MIS18BP1: variants seen among roughly 807,000 people sequenced by gnomAD.
MIS18BP1 encodes the protein mis18-binding protein 1.
In MIS18BP1, 72 loss-of-function variants were observed where a neutral mutation model predicts 116.1. The observed-to-expected ratio is 0.62, with a 90% CI of 0.51 to 0.75. The LOEUF (loss-of-function observed/expected upper bound fraction) is 0.75, where lower values mean the gene tolerates loss of function less well. MIS18BP1 is among the 30% of genes least tolerant of loss of function. The pLI, the probability that MIS18BP1 is intolerant of heterozygous loss-of-function variation, is 0.00. For missense variants in MIS18BP1, 1,363 were observed against 1,303.2 expected, an observed-to-expected ratio of 1.05 and a Z score of -0.71; for synonymous variants, 386 against 427.0, an observed-to-expected ratio of 0.90 and a Z score of 1.18.
At chr14:45,223,449 C>T (rs564858001) in intron 11 of MIS18BP1, among the ~76,000 whole-genome samples, 15 of 152,094 alleles carry the variant, frequency 9.9e-5, no homozygotes, top group South Asian at 4.1e-4. Context: ...TGGCAGCGTG[C>T]GCCTGTAGTC....
chr14:45,218,492 C>T, intron 11 of MIS18BP1, 38 bp from the exon 12 acceptor site: 2 of 1,548,052 alleles, frequency 1.3e-6, no homozygotes, highest in Middle Eastern at 1.7e-4. Flanking sequence ...ATAAGAAATT[C>T]AAACCAATGA....
chr14:45,241,498 C>T (rs909405926), intron 4 of MIS18BP1: 2 of 152,368 alleles, frequency 1.3e-5, no homozygotes, highest in Non-Finnish European at 2.9e-5. Flanking sequence ...AATGGGCAAA[C>T]CTCTAACAAT....
At chr14:45,236,343 T>C (rs887255447) in intron 5 of MIS18BP1, among the ~76,000 whole-genome samples, 1 of 152,204 alleles carries the variant, frequency 6.6e-6, no homozygotes, top group African/African-American at 2.4e-5. Flanking sequence ...ATCCAGCTAA[T>C]CTGGTGTTTT....
At chr14:45,212,234 C>T (rs186736676) in intron 13 of MIS18BP1, among the ~76,000 whole-genome samples, 64 of 152,110 alleles carry the variant, frequency 4.2e-4, no homozygotes, top group Admixed American at 9.8e-4. Flanking sequence ...GTGTATGGGC[C>T]CTAATCTCTC....
intron 4 of MIS18BP1, 31 bp from the exon 5 acceptor site, chr14:45,237,752 C>T: frequency 6.4e-7 from 1 of 1,561,912 alleles, no homozygotes; most frequent in Non-Finnish European, 8.6e-7. Context: ...GAACATATTT[C>T]CTGTATTACT....
chr14:45,235,769 T>A, intron 6 of MIS18BP1, 45 bp downstream of exon 6: 1 of 1,521,498 alleles, frequency 6.6e-7, no homozygotes, highest in Non-Finnish European at 8.9e-7. Context: ...CATGGTTAAC[T>A]GCTTTACTTC....
At chr14:45,208,315 C>G (rs1890576385) in intron 14 of MIS18BP1, among the ~76,000 whole-genome samples, 1 of 149,548 alleles carries the variant, frequency 6.7e-6, no homozygotes, top group Non-Finnish European at 1.5e-5. Context: ...ATTCAACGGC[C>G]AAAAGGATGA....
chr14:45,235,971 G>C, intron 5 of MIS18BP1, 27 bp from the exon 6 acceptor site: 1 of 1,559,254 alleles, frequency 6.4e-7, no homozygotes, highest in South Asian at 1.2e-5. Flanking sequence ...GTTTTGGTAA[G>C]GTCAAAATAT....
In MIS18BP1 at chr14:45,237,677, A is replaced by G; in HGVS notation, c.1188T>C (p.Asn396=). The G allele has an allele frequency of 2.5e-6, 4 of 1,601,824 alleles. No individual in the cohort carries two copies. In the South Asian group the frequency reaches 4.5e-5, roughly 18 times the overall value. ...ATTTTCCTTCTACACATATAGCAGT[A>G]TTATTATTGATGCTTTTAATCATCC... ...QEWMIKSINN[N]TAICVEGKLI... Residue 396 remains asparagine (N), a synonymous_variant, in exon 5 of 17, where the codon AAT becomes AAC. Transcript: ENST00000310806.
chr14:45,208,777 A>G (rs1021462124), intron 14 of MIS18BP1, among the ~76,000 whole-genome samples: 2 of 152,214 alleles, frequency 1.3e-5, no homozygotes, highest in Admixed American at 6.5e-5. Context: ...TTTTTATCCA[A>G]TAAGTGCAAA....
At chr14:45,244,511 C>G (rs1312546917) in intron 2 of MIS18BP1, among the ~76,000 whole-genome samples, 1 of 152,096 alleles carries the variant, frequency 6.6e-6, no homozygotes, top group Non-Finnish European at 1.5e-5. Flanking sequence ...CTCCTTTGTC[C>G]TTCTGTCACT....
At chr14:45,213,735 A>G (rs962873782) in intron 13 of MIS18BP1, among the ~76,000 whole-genome samples, 8 of 152,200 alleles carry the variant, frequency 5.3e-5, no homozygotes, top group Non-Finnish European at 1.2e-4. Flanking sequence ...GGGGAAAAGA[A>G]AGAGAGATCA....
At chr14:45,214,608 C>T (rs1594502632) in intron 13 of MIS18BP1, among the ~76,000 whole-genome samples, 1 of 152,196 alleles carries the variant, frequency 6.6e-6, no homozygotes, top group African/African-American at 2.4e-5. Context: ...TATACTTTGT[C>T]TCTGTGTCTC....
In MIS18BP1 at chr14:45,252,087, TTAAG is replaced by T. The variant is rs144053468; in HGVS notation, c.-92+944_-92+947del. 9.2e-3 allele frequency among the ~76,000 whole-genome samples: 1,400 copies of T among 152,284 alleles called. 24 individuals carry two copies. The highest frequency in any genetic ancestry group is 0.032 in the African/African-American group (1,342 of 41,552). On this transcript the variant is annotated intron_variant, in intron 1 of 16. Transcript: ENST00000310806. ...AAAGAGAAATTAAGGTATAAGGTGG[TTAAG>T]TAAGCTGCCCAAGGTCACTTGACAA...
Position 45,224,550 on chromosome 14 carries a change from T to C in MIS18BP1, c.2037A>G (p.Thr679=). The change falls in exon 11 of 17, where the codon ACA becomes ACG. Residue 679 remains threonine, a synonymous_variant. Transcript: ENST00000310806. The part of the protein sequence containing the change: ...NLSAGTIKAV[T]DFVIPECQKK... ...TTTGACACTCTGGTATTACAAAATC[T>C]GTTACTGCTTTGATGGTGCCAGCGG... is the stretch of plus-strand genomic sequence containing the variant. 3.1e-6 allele frequency: 5 copies of C among 1,612,694 alleles called. No individual in the cohort carries two copies. The highest frequency in any genetic ancestry group is 4.2e-6 in the Non-Finnish European group (5 of 1,179,674).
chr14:45,242,327 TAGTATTTTGAAATTGTTC>T lies in MIS18BP1; in HGVS notation c.832_849del (p.Glu278_Thr283del). Reference sequence around the variant, plus strand: ...CAATTAGTACTGAGAGTCTCAGCATTAGTATTTTGAAATTGTTCATCAGCAGAATCAACGCTTTCTAAA... The same window carrying T: ...CAATTAGTACTGAGAGTCTCAGCATTATCAGCAGAATCAACGCTTTCTAAA... On this transcript the variant is annotated inframe_deletion, in exon 4 of 17. Transcript: ENST00000310806. 6.2e-7 allele frequency: 1 copy of T among 1,614,054 alleles called. No individual in the cohort carries two copies. The highest frequency in any genetic ancestry group is 8.5e-7 in the Non-Finnish European group (1 of 1,179,952).
chr14:45,252,427 T>C (rs560758811), intron 1 of MIS18BP1, among the ~76,000 whole-genome samples: 2 of 152,178 alleles, frequency 1.3e-5, no homozygotes, highest in African/African-American at 4.8e-5. Flanking sequence ...ATAAAACACA[T>C]ACAGGCATAG....
chr14:45,220,907 G>A (rs1042463133), intron 11 of MIS18BP1, among the ~76,000 whole-genome samples: 1 of 152,126 alleles, frequency 6.6e-6, no homozygotes, highest in African/African-American at 2.4e-5. Context: ...GGCCAAGGCA[G>A]GTGAATCACT....
chr14:45,252,029 G>C (rs1036160578), intron 1 of MIS18BP1, among the ~76,000 whole-genome samples: 3 of 152,124 alleles, frequency 2.0e-5, no homozygotes, highest in Admixed American at 2.0e-4. Context: ...CAACTCTAAA[G>C]AGTTAAGTAC....
Sources: allele counts gnomAD v4.1 joint callset (sites outside exome capture counted in the v4.1 genomes callset), GRCh38; gene constraint gnomAD v4.1.1; transcripts MANE v1.5; gene names NCBI Gene and HGNC (gene_info 2026-07-23, HGNC 2026-07-21).